The following PREX1 variants were observed in gnomAD, a reference collection of about 807,000 sequenced individuals.
PREX1 encodes phosphatidylinositol-3,4,5-trisphosphate dependent Rac exchange factor 1, also known as phosphatidylinositol 3,4,5-trisphosphate-dependent Rac exchanger 1 protein.
Under a neutral mutation model 198.3 loss-of-function variants are expected in PREX1, and 41 were observed. The ratio of observed to expected loss-of-function variants is 0.21; its 90% confidence interval spans 0.16 to 0.27. The LOEUF (loss-of-function observed/expected upper bound fraction) is 0.27. PREX1 is among the 10% of genes least tolerant of loss of function. The pLI is 1.00. For synonymous variants in PREX1, 843 were observed against 887.2 expected, an observed-to-expected ratio of 0.95 and a Z score of 0.89; for missense variants, 1,620 against 2,200.7, an observed-to-expected ratio of 0.74 and a Z score of 5.28.
chr20:48,740,478 T>C (rs1030855355), intron 3 of PREX1, among the ~76,000 whole-genome samples: 3 of 152,212 alleles, frequency 2.0e-5, no homozygotes, highest in African/African-American at 7.2e-5. Context: ...TTGCTGCAAT[T>C]GTGCATAATC....
At chr20:48,875,557 G>A in the PREX1 span, among the ~76,000 whole-genome samples, 3 of 152,202 alleles carry the variant, frequency 2.0e-5, no homozygotes, top group African/African-American at 7.2e-5. Flanking sequence ...GCAGGGCCGC[G>A]ATCAGTATTG....
At chr20:48,826,384 G>A (rs2090508939) in intron 1 of PREX1, among the ~76,000 whole-genome samples, 1 of 152,104 alleles carries the variant, frequency 6.6e-6, no homozygotes, top group African/African-American at 2.4e-5. Flanking sequence ...AGGAGAGTAG[G>A]GAAGTGGCCC....
At chr20:48,756,054 G>GC (rs2090154766) in intron 1 of PREX1, among the ~76,000 whole-genome samples, 1 of 152,188 alleles carries the variant, frequency 6.6e-6, no homozygotes, top group Non-Finnish European at 1.5e-5. Flanking sequence ...GGAAGGCAGT[G>GC]CCCGCCAGTG....
Position 48,827,836 on chromosome 20 carries a change from G to A in PREX1, c.25C>T (p.Pro9Ser), listed in dbSNP as rs1386461112. ...CAGTCCCCGGCCCCGTCGCCGCCGG[G>A]CTCGCTGCCGCTGGGCGCCTCCATT... is the stretch of plus-strand genomic sequence containing the variant. MEAPSGSE[P>S]GGDGAGDCAH... Residue 9 changes from proline (P) to serine (S), a missense_variant, in exon 1 of 40, where the codon CCC (proline) becomes TCC (serine). Around this residue, in one of 7 missense-constraint regions of PREX1, gnomAD observed 96 missense variants for 98.7 expected, o/e 0.97. Coordinates refer to ENST00000371941, the MANE Select transcript of PREX1 (RefSeq NM_020820.4). This position sits in a 1 kb window ranked among gnomAD's most constrained non-coding sequence, Gnocchi z 4.1. 2 of 979,866 alleles carry A rather than the reference G, an allele frequency of 2.0e-6. No individual in the cohort carries two copies. The highest frequency in any genetic ancestry group is 4.6e-5 in the South Asian group (1 of 21,970). 60.7% of individuals were successfully genotyped at this position (979,866 alleles called of 1,614,324 possible).
Position 48,666,388 on chromosome 20 carries a change from T to C in PREX1, c.1666-33A>G. Reference sequence around the variant, plus strand: ...GGAACAAGAAGGGGAGGGTGTTAGGTGGCAGCATCCGAGAGGCCATGCATG... The same window carrying C: ...GGAACAAGAAGGGGAGGGTGTTAGGCGGCAGCATCCGAGAGGCCATGCATG... On this transcript the variant is annotated intron_variant, in intron 14 of 39. Transcript: ENST00000371941. The surrounding 1 kb of genome is among the most constrained non-coding windows in gnomAD (Gnocchi z 4.3). 1 of 1,527,768 alleles carries C rather than the reference T, an allele frequency of 6.5e-7. No individual in the cohort carries two copies. The highest frequency in any genetic ancestry group is 8.8e-7 in the Non-Finnish European group (1 of 1,130,562). The allele number at this position is 1,527,768 out of a possible 1,614,324, so 94.6% of individuals were successfully genotyped here. A position where few individuals can be genotyped will look rare whatever the true frequency, so the allele number is the denominator to read the frequency against.
At chr20:48,652,528 C>A (rs1056489790) in intron 21 of PREX1, 58 bp downstream of exon 21, 1 of 1,536,192 alleles carries the variant, frequency 6.5e-7, no homozygotes, top group African/African-American at 1.4e-5. Context: ...GAGGACCCAG[C>A]CCCTCCGGAG....
chr20:48,887,913 G>A, the PREX1 span, among the ~76,000 whole-genome samples: 5 of 152,036 alleles, frequency 3.3e-5, no homozygotes, highest in Admixed American at 2.6e-4. Flanking sequence ...TCACGCCGCC[G>A]CACTCCAGCC....
In PREX1 at chr20:48,670,631, G is replaced by A. The variant is rs149157391; in HGVS notation, c.1666-4276C>T. On this transcript the variant is annotated intron_variant, in intron 14 of 39. Transcript: ENST00000371941. ...CAAAGCCCCGCTCTGCCCTGGCCACGTCCTTGGGCAATCCCTTAGCCTCTC... is the reference window on the plus strand; with the variant it reads ...CAAAGCCCCGCTCTGCCCTGGCCACATCCTTGGGCAATCCCTTAGCCTCTC... 7.6e-3 allele frequency among the ~76,000 whole-genome samples: 1,159 copies of A among 152,324 alleles called. 7 individuals are homozygous for A. Among genetic ancestry groups the A allele is most frequent in the Non-Finnish European group, 0.013 (904 of 68,024 alleles).
chr20:48,884,839 C>T, the PREX1 span, among the ~76,000 whole-genome samples: 3 of 152,120 alleles, frequency 2.0e-5, no homozygotes, highest in South Asian at 2.1e-4. Context: ...CGGCAGGGCA[C>T]GGTGGCTCAT....
At chr20:48,867,795 A>G in the PREX1 span, among the ~76,000 whole-genome samples, 1 of 152,070 alleles carries the variant, frequency 6.6e-6, no homozygotes, top group South Asian at 2.1e-4. Flanking sequence ...ACTCTGTCTC[A>G]AACAAACAAA....
At chr20:48,626,750 G>A (rs1312074549) in intron 39 of PREX1, among the ~76,000 whole-genome samples, 1 of 152,236 alleles carries the variant, frequency 6.6e-6, no homozygotes, top group Non-Finnish European at 1.5e-5. Flanking sequence ...AGACGTTGCC[G>A]CTGGCGGGGA....
intron 1 of PREX1, among the ~76,000 whole-genome samples, chr20:48,825,727 G>A (rs2123090023): frequency 6.6e-6 from 1 of 151,910 alleles, no homozygotes; most frequent in South Asian, 2.1e-4. Context: ...TCTCTTCCAA[G>A]CAGAGGAGCA....
chr20:48,831,540 G>A (rs2090537180), upstream of PREX1, among the ~76,000 whole-genome samples: 1 of 152,196 alleles, frequency 6.6e-6, no homozygotes, highest in South Asian at 2.1e-4. Flanking sequence ...GGATAGGTGA[G>A]GATGAAGACA....
intron 6 of PREX1, among the ~76,000 whole-genome samples, chr20:48,701,479 G>A (rs1204713742): frequency 6.6e-6 from 1 of 152,084 alleles, no homozygotes; most frequent in East Asian, 1.9e-4. Context: ...TTCCCAAAGT[G>A]TAGGGATTAC....
intron 1 of PREX1, among the ~76,000 whole-genome samples, chr20:48,777,110 G>A (rs1285143888): frequency 2.0e-5 from 3 of 152,236 alleles, no homozygotes; most frequent in East Asian, 1.9e-4. Flanking sequence ...GTGAGCTAAC[G>A]TTTATGAGCA....
At chr20:48,805,565 C>T (rs2090408179) in intron 1 of PREX1, among the ~76,000 whole-genome samples, 1 of 152,302 alleles carries the variant, frequency 6.6e-6, no homozygotes, top group African/African-American at 2.4e-5. Context: ...GTGCTGGCAG[C>T]GAATTAGGGA....
At chr20:48,765,663 G>C (rs1474167749) in intron 1 of PREX1, among the ~76,000 whole-genome samples, 1 of 152,166 alleles carries the variant, frequency 6.6e-6, no homozygotes, top group East Asian at 1.9e-4. Flanking sequence ...CAGGCCCCAG[G>C]GGCTTCAGAG....
At chr20:48,799,490 C>T (rs1161390896) in intron 1 of PREX1, among the ~76,000 whole-genome samples, 2 of 152,200 alleles carry the variant, frequency 1.3e-5, no homozygotes, top group East Asian at 1.9e-4. Context: ...CCCCGAGCAG[C>T]GCGGTCTATC....
At chr20:48,626,123 G>A (rs150900833) in intron 39 of PREX1, among the ~76,000 whole-genome samples, 196 bp from the exon 40 acceptor site, 3 of 152,332 alleles carry the variant, frequency 2.0e-5, no homozygotes, top group Admixed American at 6.5e-5. Flanking sequence ...GGCAGTCTCT[G>A]CCCACTCAGA....
Sources: gnomAD v4.1 joint callset for allele counts (sites outside exome capture counted in the v4.1 genomes callset) on GRCh38, gnomAD v4.1.1 for gene constraint, gnomAD v4.1.1 regional missense constraint, Gnocchi (gnomAD v3.1) non-coding constraint, MANE v1.5 for transcripts, NCBI Gene and HGNC (gene_info 2026-07-23, HGNC 2026-07-21) for gene names.